HMGXB3: variants seen among roughly 807,000 people sequenced by gnomAD.
The protein encoded by HMGXB3 is HMG domain-containing protein 3.
In HMGXB3, 45 loss-of-function variants were observed where a neutral mutation model predicts 121.5. The observed-to-expected ratio is 0.37, with a 90% CI of 0.29 to 0.47. HMGXB3 has a LOEUF of 0.47. Among genes scored for constraint, HMGXB3 ranks in the 20% least tolerant of loss-of-function variants. The pLI, the probability that HMGXB3 is intolerant of heterozygous loss-of-function variation, is 0.99. For missense variants in HMGXB3, 1,376 were observed against 1,602.2 expected (o/e 0.86, Z 2.41); for synonymous variants, 590 against 624.1 (o/e 0.95, Z 0.81).
At position 150,010,384 on chromosome 5, in the gene HMGXB3, A is replaced by T; in HGVS notation, c.586A>T (p.Thr196Ser). 8 of 1,551,556 alleles carry T rather than the reference A, an allele frequency of 5.2e-6. No individual in the cohort carries two copies. Among genetic ancestry groups the T allele is most frequent in the Non-Finnish European group, 6.1e-6 (7 of 1,146,962 alleles). ...EALAEEVGAL[T>S]QSGAVQEIAT... Reference sequence around the variant, plus strand: ...CCTGGCTGAGGAGGTGGGAGCCCTTACCCAGTCAGGTGCTGTACAGGAGAT... The same window carrying T: ...CCTGGCTGAGGAGGTGGGAGCCCTTTCCCAGTCAGGTGCTGTACAGGAGAT... The change falls in exon 4 of 20, where the codon ACC (threonine) becomes TCC (serine). Residue 196 changes from threonine (T) to serine (S), a missense_variant. Thr to Ser is a moderately conservative substitution (Grantham distance 58, BLOSUM62 1). Around this residue, in one of 2 missense-constraint regions of HMGXB3, gnomAD observed 1,116 missense variants for 1,369.0 expected, o/e 0.82. Transcript: ENST00000502717.
intron 18 of HMGXB3, among the ~76,000 whole-genome samples, chr5:150,049,891 G>T (rs1486513075): frequency 6.6e-6 from 1 of 152,230 alleles, no homozygotes; most frequent in Non-Finnish European, 1.5e-5. Flanking sequence ...TTGACCTCGG[G>T]CCCAGGCATC....
At position 150,041,819 on chromosome 5, in the gene HMGXB3, G is replaced by A. The variant is rs1581264642; in HGVS notation, c.2580G>A (p.Leu860=). The change falls in exon 15 of 20, where the codon CTG becomes CTA. Residue 860 remains leucine (L), a synonymous_variant. Transcript: ENST00000502717. The part of the protein sequence containing the change: ...KTLTSEELSQ[L]QELLCNGYWA... ...TGACCTCGGAGGAGCTGAGCCAGCTGCAGGAGCTGCTGTGCAATGGCTATT... is the reference window on the plus strand; with the variant it reads ...TGACCTCGGAGGAGCTGAGCCAGCTACAGGAGCTGCTGTGCAATGGCTATT... 3 of 1,551,600 alleles carry A rather than the reference G, an allele frequency of 1.9e-6. No individual in the cohort carries two copies. Among genetic ancestry groups the A allele is most frequent in the South Asian group, 1.2e-5 (1 of 84,050 alleles).
intron 6 of HMGXB3, among the ~76,000 whole-genome samples, chr5:150,019,331 C>T (rs996840327): frequency 1.3e-5 from 2 of 152,108 alleles, no homozygotes; most frequent in African/African-American, 2.4e-5. Context: ...TAACACTCAT[C>T]ATCAGTTAAC....
At chr5:150,013,567 C>T (rs368526798) in intron 5 of HMGXB3, among the ~76,000 whole-genome samples, 168 of 152,270 alleles carry the variant, frequency 1.1e-3, no homozygotes, top group African/African-American at 3.7e-3. Flanking sequence ...CTTAAAATGA[C>T]TTGGGAAGTA....
chr5:150,028,478 GAT>G (rs202157829), intron 9 of HMGXB3, among the ~76,000 whole-genome samples: 1,444 of 119,498 alleles, frequency 0.012, 16 homozygotes, highest in Non-Finnish European at 0.019. Flanking sequence ...ATGTGTGTTT[GAT>G]ATATATATGT....
intron 19 of HMGXB3, 93 bp from the exon 20 acceptor site, chr5:150,051,632 G>A: frequency 9.8e-7 from 1 of 1,019,080 alleles, no homozygotes; most frequent in Non-Finnish European, 1.4e-6. Flanking sequence ...AGGATTCAAA[G>A]AGGGCTGGCT....
intron 1 of HMGXB3, among the ~76,000 whole-genome samples, chr5:150,002,159 A>G (rs1356151714): frequency 6.6e-6 from 1 of 152,232 alleles, no homozygotes; most frequent in African/African-American, 2.4e-5. Context: ...AACCTAAGGA[A>G]TAATGTGTGC....
intron 5 of HMGXB3, 139 bp downstream of exon 5, chr5:150,012,492 G>A (rs781602271): frequency 3.1e-6 from 2 of 646,316 alleles, no homozygotes; most frequent in African/African-American, 3.6e-5. Flanking sequence ...ACCTCAGGAT[G>A]CGAGGACTGG....
intron 3 of HMGXB3, among the ~76,000 whole-genome samples, chr5:150,008,055 T>TCACACACACACACA (rs70973560): frequency 2.3e-5 from 3 of 130,028 alleles, no homozygotes; most frequent in Non-Finnish European, 4.9e-5. Flanking sequence ...AGACTCTGTT[T>TCACACACACACACA]CACACACACA....
chr5:150,051,547 C>T (rs1176785717), intron 19 of HMGXB3, among the ~76,000 whole-genome samples, 178 bp from the exon 20 acceptor site: 4 of 152,182 alleles, frequency 2.6e-5, no homozygotes, highest in East Asian at 1.9e-4. Context: ...CTGTTACTGT[C>T]CCTGTTCTCA....
At position 150,037,509 on chromosome 5, in the gene HMGXB3, T is replaced by G; in HGVS notation, c.2395T>G (p.Phe799Val). ...CCCCCATTGTCTGGCCCTGCACAGCTTCATAGACATCTACACAGGTGGGTG... is the reference window on the plus strand; with the variant it reads ...CCCCCATTGTCTGGCCCTGCACAGCGTCATAGACATCTACACAGGTGGGTG... ...LNPHCLALHS[F>V]IDIYTGLFNV... is the part of the protein sequence containing the mutation. Residue 799 changes from phenylalanine (F) to valine (V), a missense_variant, in exon 13 of 20, where the codon TTC becomes GTC. By Grantham distance (50) the Phe-to-Val change is conservative. This residue lies in a region of HMGXB3 where 1,116 missense variants were observed against 1,369.0 expected (regional missense o/e 0.82). Coordinates refer to ENST00000502717, the MANE Select transcript of HMGXB3 (RefSeq NM_014983.3). The G allele has an allele frequency of 6.6e-7, 1 of 1,521,772 alleles. No individual in the cohort carries two copies. The highest frequency in any genetic ancestry group is 2.5e-5 in the East Asian group (1 of 40,070). The allele number at this position is 1,521,772 out of a possible 1,614,324, so 94.3% of individuals were successfully genotyped here.
chr5:150,050,522 C>T (rs1046194058), intron 19 of HMGXB3, 61 bp downstream of exon 19: 4 of 1,348,470 alleles, frequency 3.0e-6, no homozygotes, highest in South Asian at 1.3e-5. Flanking sequence ...TGCTCTGTCA[C>T]CCAGGCTGGA....
intron 13 of HMGXB3, among the ~76,000 whole-genome samples, chr5:150,038,386 A>G (rs1225540582): frequency 6.6e-6 from 1 of 152,232 alleles, no homozygotes; most frequent in South Asian, 2.1e-4. Flanking sequence ...AACAGTTAAC[A>G]AAAGTGCCTA....
rs1426095221 is a variant in HMGXB3, at chr5:150,028,497, ATGTATGTATG to A, written c.1734+1384_1734+1393del. ...GTGTTTGATATATATATGTATATAT[ATGTATGTATG>A]TGTGTGTGTGTGTGTGTGTGTGTGT... On this transcript the variant is annotated intron_variant, in intron 9 of 19. Transcript: ENST00000502717. 8.1e-4 allele frequency among the ~76,000 whole-genome samples: 54 copies of A among 66,452 alleles called. 1 individual carries two copies. Among genetic ancestry groups the A allele is most frequent in the African/African-American group, 6.4e-3 (51 of 7,970 alleles). 43.6% of individuals were successfully genotyped at this position (66,452 alleles called of 152,430 possible).
At chr5:150,019,473 T>A (rs1473484837) in intron 6 of HMGXB3, among the ~76,000 whole-genome samples, 1 of 152,222 alleles carries the variant, frequency 6.6e-6, no homozygotes, top group African/African-American at 2.4e-5. Flanking sequence ...GTTTAACATG[T>A]TGTCACCTGT....
intron 9 of HMGXB3, 66 bp from the exon 10 acceptor site, chr5:150,030,675 A>C: frequency 8.3e-7 from 1 of 1,204,012 alleles, no homozygotes; most frequent in South Asian, 1.3e-5. Flanking sequence ...AAGTCGTTTC[A>C]GGACATGGGA....
intron 6 of HMGXB3, among the ~76,000 whole-genome samples, chr5:150,021,129 G>T (rs1446449112): frequency 6.6e-6 from 1 of 152,134 alleles, no homozygotes; most frequent in Non-Finnish European, 1.5e-5. Flanking sequence ...ATCTTGACTT[G>T]CTAAGTCAGA....
Position 150,010,249 on chromosome 5 carries a change from G to A in HMGXB3, c.451G>A (p.Val151Met). Residue 151 changes from valine (V) to methionine (M), a missense_variant, in exon 4 of 20, where the codon GTG becomes ATG. By Grantham distance (21) the Val-to-Met change is conservative. Coordinates refer to ENST00000502717, the MANE Select transcript of HMGXB3 (RefSeq NM_014983.3). ...GAGCTGCCCTCAGCTAGAGCTATGT[G>A]TGGCTCAGAACCAGATGTCCCCGAA... ...DRSCPQLELC[V>M]AQNQMSPKGP... 1 of 1,551,856 alleles carries A rather than the reference G, an allele frequency of 6.4e-7. No individual in the cohort carries two copies. The highest frequency in any genetic ancestry group is 2.0e-5 in the Admixed American group (1 of 51,008).
At chr5:150,021,954 T>A in intron 6 of HMGXB3, 1 of 453,860 alleles carries the variant, frequency 2.2e-6, no homozygotes, top group Admixed American at 2.3e-5. Context: ...GACTTGTTCC[T>A]TGGCGAGAGA....
Sources: gnomAD v4.1 joint callset for allele counts (sites outside exome capture counted in the v4.1 genomes callset) on GRCh38, gnomAD v4.1.1 for gene constraint, gnomAD v4.1.1 regional missense constraint, MANE v1.5 for transcripts, NCBI Gene and HGNC (gene_info 2026-07-23, HGNC 2026-07-21) for gene names.